TCERG1L: variants seen among roughly 807,000 people sequenced by gnomAD.
The protein encoded by TCERG1L is transcription elongation regulator 1 like.
In TCERG1L, 37 loss-of-function variants were observed where a neutral mutation model predicts 56.3. The observed-to-expected ratio is 0.66, with a 90% CI of 0.51 to 0.87. The LOEUF is 0.87. Ranked by LOEUF, TCERG1L falls within the 40% of genes least tolerant of loss-of-function variation. The probability of loss-of-function intolerance (pLI) is 0.00; values close to 1 mark genes in which losing one functional copy is unlikely to be tolerated. For missense variants in TCERG1L, 799 were observed against 774.2 expected, an observed-to-expected ratio of 1.03 and a Z score of -0.38; for synonymous variants, 324 against 326.3, an observed-to-expected ratio of 0.99 and a Z score of 0.08.
chr10:131,239,602 G>A (rs959242520), intron 4 of TCERG1L, among the ~76,000 whole-genome samples: 3 of 152,222 alleles, frequency 2.0e-5, no homozygotes, highest in South Asian at 2.1e-4. Context: ...GACATCCATC[G>A]CACCAGAGTC....
intron 8 of TCERG1L, among the ~76,000 whole-genome samples, chr10:131,131,722 C>T (rs1449089056): frequency 2.0e-5 from 3 of 152,162 alleles, no homozygotes; most frequent in Admixed American, 6.5e-5. Context: ...GAGTAGATGC[C>T]GGTGTCCAAA....
At chr10:131,239,031 G>A (rs1159485944) in intron 4 of TCERG1L, among the ~76,000 whole-genome samples, 1 of 152,170 alleles carries the variant, frequency 6.6e-6, no homozygotes, top group Admixed American at 6.5e-5. Context: ...CAAGTAGCAC[G>A]TGTGCATTTT....
chr10:131,255,279 A>C (rs888128637), intron 4 of TCERG1L, among the ~76,000 whole-genome samples: 1 of 152,252 alleles, frequency 6.6e-6, no homozygotes, highest in South Asian at 2.1e-4. Flanking sequence ...ACATGCCAGC[A>C]GGGACAACTT....
chr10:131,109,006 G>A (rs1287351342), intron 9 of TCERG1L, among the ~76,000 whole-genome samples: 3 of 152,032 alleles, frequency 2.0e-5, no homozygotes, highest in Non-Finnish European at 2.9e-5. Flanking sequence ...ACATCGCCAC[G>A]GGTGTGACAT....
chr10:131,232,347 G>A (rs1338714230), intron 4 of TCERG1L, among the ~76,000 whole-genome samples: 1 of 152,258 alleles, frequency 6.6e-6, no homozygotes, highest in African/African-American at 2.4e-5. Flanking sequence ...CGTCTCAGCA[G>A]TGGCACACGC....
chr10:131,214,641 C>A (rs1845650693), intron 4 of TCERG1L, among the ~76,000 whole-genome samples: 1 of 152,190 alleles, frequency 6.6e-6, no homozygotes, highest in African/African-American at 2.4e-5. Context: ...GAGGCAGCTT[C>A]AGTTCCACTC....
intron 7 of TCERG1L, among the ~76,000 whole-genome samples, chr10:131,138,107 A>C (rs1350030642): frequency 6.6e-6 from 1 of 152,196 alleles, no homozygotes; most frequent in Non-Finnish European, 1.5e-5. Context: ...CGTCTCTACC[A>C]AAAATACAAA....
chr10:131,205,364 T>TAA (rs67880177), intron 4 of TCERG1L, among the ~76,000 whole-genome samples: 246 of 141,198 alleles, frequency 1.7e-3, no homozygotes, highest in Middle Eastern at 3.8e-3. Context: ...TCTCCTAATG[T>TAA]AAAAAAAAAA....
intron 7 of TCERG1L, among the ~76,000 whole-genome samples, chr10:131,134,928 C>A (rs1218573937): frequency 6.6e-6 from 1 of 152,192 alleles, no homozygotes; most frequent in Non-Finnish European, 1.5e-5. Flanking sequence ...TTCCCCTACC[C>A]CACATGTGGC....
intron 4 of TCERG1L, among the ~76,000 whole-genome samples, chr10:131,185,344 A>G (rs1468159808): frequency 6.6e-6 from 1 of 152,218 alleles, no homozygotes; most frequent in Non-Finnish European, 1.5e-5. Flanking sequence ...TCTTAGATAT[A>G]ACACCAAATG....
chr10:131,133,600 C>G (rs1332566436), intron 8 of TCERG1L, among the ~76,000 whole-genome samples: 1 of 152,192 alleles, frequency 6.6e-6, no homozygotes, highest in Non-Finnish European at 1.5e-5. Flanking sequence ...CTCTACCAAA[C>G]ATGGGGCCCA....
At position 131,103,785 on chromosome 10, in the gene TCERG1L, G is replaced by C. The variant is rs1845325468; in HGVS notation, c.1485+480C>G. ...GTCTTTTTAGTTATCAGGTATACAA[G>C]TATGAGAACCCTCTCTTCATGGCCT... On this transcript the variant is annotated intron_variant, in intron 10 of 11. Coordinates refer to ENST00000368642, the MANE Select transcript of TCERG1L (RefSeq NM_174937.4). This position sits in a 1 kb window ranked among gnomAD's most constrained non-coding sequence, Gnocchi z 4.3. Among the ~76,000 whole-genome samples, 1 of 152,154 alleles carries C rather than the reference G, an allele frequency of 6.6e-6. No individual in the cohort carries two copies. Among genetic ancestry groups the C allele is most frequent in the Non-Finnish European group, 1.5e-5 (1 of 68,026 alleles).
At chr10:131,224,225 G>A (rs937045489) in intron 4 of TCERG1L, among the ~76,000 whole-genome samples, 4 of 152,004 alleles carry the variant, frequency 2.6e-5, no homozygotes, top group East Asian at 3.9e-4. Flanking sequence ...TCCAAGCCTC[G>A]GATGATGCCC....
At chr10:131,235,746 G>A (rs1394305676) in intron 4 of TCERG1L, among the ~76,000 whole-genome samples, 1 of 152,202 alleles carries the variant, frequency 6.6e-6, no homozygotes. Flanking sequence ...CTGTGGGACA[G>A]AAAGAGATAA....
chr10:131,304,875 A>T (rs899930881), intron 3 of TCERG1L, among the ~76,000 whole-genome samples: 1 of 151,954 alleles, frequency 6.6e-6, no homozygotes, highest in Non-Finnish European at 1.5e-5. Flanking sequence ...GATCCTGGGG[A>T]CTGACTCACC....
rs543874292 is a variant in TCERG1L, at chr10:131,127,130, C to T, written c.1259+7249G>A. On this transcript the variant is annotated intron_variant, in intron 8 of 11. Transcript: ENST00000368642. ...TTCTAAGATTTAAAACAAAAACAAA[C>T]GGCAGGAAACTAAATACCACAAAGG... is the stretch of plus-strand genomic sequence containing the variant. 5.3e-5 allele frequency among the ~76,000 whole-genome samples: 8 copies of T among 152,294 alleles called. No homozygotes were observed. The South Asian group carries it at 6.2e-4, about 12-fold the overall frequency.
At chr10:131,274,644 C>T (rs1589769069) in intron 3 of TCERG1L, among the ~76,000 whole-genome samples, 1 of 152,308 alleles carries the variant, frequency 6.6e-6, no homozygotes, top group East Asian at 1.9e-4. Context: ...TGCTGCATGG[C>T]TTGTTCATGA....
chr10:131,248,437 C>T (rs1295566608), intron 4 of TCERG1L, among the ~76,000 whole-genome samples: 1 of 152,074 alleles, frequency 6.6e-6, no homozygotes, highest in Non-Finnish European at 1.5e-5. Context: ...CAAAGCACAC[C>T]AGGCTGATCT....
intron 4 of TCERG1L, among the ~76,000 whole-genome samples, chr10:131,206,466 C>A (rs542841471): frequency 3.3e-5 from 5 of 152,188 alleles, no homozygotes; most frequent in East Asian, 3.9e-4. Context: ...GGAAGGGGCA[C>A]GAGGAGAGGC....
Sources: allele counts gnomAD v4.1 joint callset (sites outside exome capture counted in the v4.1 genomes callset), GRCh38; gene constraint gnomAD v4.1.1; non-coding constraint Gnocchi (gnomAD v3.1); transcripts MANE v1.5; gene names NCBI Gene and HGNC (gene_info 2026-07-23, HGNC 2026-07-21).